Variants in PCYT2 observed in about 807,000 individuals in gnomAD.
PCYT2 encodes ethanolamine-phosphate cytidylyltransferase.
PCYT2 carries 33 observed loss-of-function variants against 50.0 expected under a neutral mutation model. The ratio of observed to expected loss-of-function variants is 0.66; its 90% CI spans 0.50 to 0.88. The LOEUF is 0.88. PCYT2 is among the 40% of genes least tolerant of loss of function. PCYT2 has a pLI of 0.00. For synonymous variants in PCYT2, 240 were observed against 203.7 expected (o/e 1.18, Z -1.52); for missense variants, 430 against 519.7 (o/e 0.83, Z 1.68).
intron 1 of PCYT2, chr17:81,910,903 A>G (rs749343992): frequency 1.8e-4 from 181 of 987,536 alleles, no homozygotes; most frequent in Non-Finnish European, 2.1e-4. Context: ...ATGCCCACCT[A>G]CAGGGACGCT....
At chr17:81,906,224 ACAGGGTGTGCCCCTCCCGGCTGTCCCT>A in intron 8 of PCYT2, 47 bp from the exon 9 acceptor site, 1 of 1,521,598 alleles carries the variant, frequency 6.6e-7, no homozygotes, top group Non-Finnish European at 9.0e-7. Flanking sequence ...TTTTGGGGGG[ACAGGGTGTGCCCCTCCCGGCTGTCCCT>A]CATGGGAAGA....
At chr17:81,906,936 C>T in intron 6 of PCYT2, 38 bp from the exon 7 acceptor site, 1 of 1,601,842 alleles carries the variant, frequency 6.2e-7, no homozygotes, top group Non-Finnish European at 8.5e-7. Flanking sequence ...GCGGGGGAGG[C>T]CTCCCAGGTG....
rs982443328 is a variant in PCYT2 at position 81,903,615 on chromosome 17, T to G, written c.*1218A>C. The G allele has an allele frequency of 1.3e-5, 2 of 152,308 alleles. No homozygotes were observed. The highest frequency in any genetic ancestry group is 2.9e-5 in the Non-Finnish European group (2 of 68,120). The allele number at this position is 152,308 out of a possible 1,614,324, so 9.4% of individuals were successfully genotyped here. A position where few individuals can be genotyped will look rare whatever the true frequency, so the allele number is the denominator to read the frequency against. On this transcript the variant is annotated 3_prime_UTR_variant, in exon 13 of 13. Transcript: ENST00000538936. ...CACCCCACTCCTGAAAGCGGGGGCC[T>G]GGCAGGATGAGGATGGCCTGTGCCC...
At chr17:81,909,147 A>C (rs2040442329) in intron 2 of PCYT2, 110 bp from the exon 3 acceptor site, 8 of 1,516,692 alleles carry the variant, frequency 5.3e-6, no homozygotes, top group Non-Finnish European at 6.2e-6. Context: ...CGGTGGGGGC[A>C]GGCTGTCTCT....
Position 81,909,588 on chromosome 17 carries a change from T to G in PCYT2, c.104A>C (p.His35Pro). 6.2e-7 allele frequency: 1 copy of G among 1,613,540 alleles called. No individual in the cohort carries two copies. Among genetic ancestry groups the G allele is most frequent in the South Asian group, 1.1e-5 (1 of 91,080 alleles). Residue 35 changes from histidine to proline, a missense_variant, in exon 2 of 13, where the codon CAT becomes CCT. This residue lies in a region of PCYT2 where 117 missense variants were observed against 163.9 expected (regional missense o/e 0.71). Coordinates refer to ENST00000538936, the MANE Select transcript of PCYT2 (RefSeq NM_002861.5). ...GCGCAGCTGGTTGGAGTGGCCGTAA[T>G]GCACCATGTCATAGCTGTGGAGACA... ...VWCDGCYDMVHYGHSNQLRQA... is the reference protein window; with the variant it reads ...VWCDGCYDMVPYGHSNQLRQA...
rs770725160 is a variant in PCYT2 at position 81,902,815 on chromosome 17, C to T, written c.*2018G>A. 5 of 1,452,604 alleles carry T rather than the reference C, an allele frequency of 3.4e-6. No individual in the cohort carries two copies. In the African/African-American group the frequency reaches 4.4e-5, roughly 13 times the overall value. 90.0% of individuals were successfully genotyped at this position (1,452,604 alleles called of 1,614,324 possible). ...ACCGTCCCACTCGGTGACCCCAGGC[C>T]CCTCCGGCGCGGGATGGCGCCCCAG... On this transcript the variant is annotated 3_prime_UTR_variant, in exon 13 of 13. Coordinates refer to ENST00000538936, the MANE Select transcript of PCYT2 (RefSeq NM_002861.5).
intron 8 of PCYT2, 130 bp downstream of exon 8, chr17:81,906,334 A>AC (rs1193372415): frequency 3.6e-6 from 4 of 1,122,966 alleles, no homozygotes; most frequent in East Asian, 2.5e-5. Context: ...GCCTACGATC[A>AC]CCCCCCAGGG....
At position 81,906,563 on chromosome 17, in the gene PCYT2, A is replaced by T; in HGVS notation, c.677-17T>A. The stretch of plus-strand genomic sequence containing the variant: ...GCCCGATGTCTGCACCCAGGTTAAG[A>T]AGCAGTCGGGATGGGGATGACAGGG... On this transcript the variant is annotated splice_polypyrimidine_tract_variant and intron_variant, in intron 7 of 12. Transcript: ENST00000538936. The T allele has an allele frequency of 6.2e-7, 1 of 1,612,506 alleles. No homozygotes were observed. The highest frequency in any genetic ancestry group is 8.5e-7 in the Non-Finnish European group (1 of 1,179,194).
chr17:81,905,908 C>T, intron 9 of PCYT2, 173 bp from the exon 10 acceptor site: 1 of 763,664 alleles, frequency 1.3e-6, no homozygotes, highest in South Asian at 1.6e-5. Context: ...GAAGGAACAG[C>T]ATCTGGAGAC....
Position 81,903,673 on chromosome 17 carries a change from G to T in PCYT2, c.*1160C>A, listed in dbSNP as rs966557492. 1.3e-5 allele frequency: 2 copies of T among 152,350 alleles called. No individual in the cohort carries two copies. Among genetic ancestry groups the T allele is most frequent in the Non-Finnish European group, 2.9e-5 (2 of 68,130 alleles). The allele number at this position is 152,350 out of a possible 1,614,324, so 9.4% of individuals were successfully genotyped here. On this transcript the variant is annotated 3_prime_UTR_variant, in exon 13 of 13. Coordinates refer to ENST00000538936, the MANE Select transcript of PCYT2 (RefSeq NM_002861.5). ...CTTGGCCCCTGGCTCGGAGAGCAGG[G>T]TGACAGGCTGCCTTCCTGGGCTGTG... is the stretch of plus-strand genomic sequence containing the variant.
At chr17:81,910,709 A>G (rs1229558810) in intron 1 of PCYT2, among the ~76,000 whole-genome samples, 1 of 152,260 alleles carries the variant, frequency 6.6e-6, no homozygotes, top group East Asian at 1.9e-4. Flanking sequence ...GGCACGTGAA[A>G]GGGTCAGAGG....
At chr17:81,909,904 A>C (rs2040483166) in intron 1 of PCYT2, among the ~76,000 whole-genome samples, 2 of 152,136 alleles carry the variant, frequency 1.3e-5, no homozygotes, top group Admixed American at 1.3e-4. Context: ...AGCCCACTGA[A>C]AGCTGCAGGG....
chr17:81,905,411 G>C lies in PCYT2; in HGVS notation c.940C>G (p.Pro314Ala). The C allele has an allele frequency of 6.4e-7, 1 of 1,564,784 alleles. No homozygotes were observed. Reference protein sequence around the residue: ...LVCHGKTEIIPDRDGSDPYQE... With the variant: ...LVCHGKTEIIADRDGSDPYQE... ...TATGGGTCGGAGCCATCCCTGTCAG[G>C]GATAATTTCTGTCTTGCCGTGACAC... Residue 314 changes from proline to alanine, a missense_variant, in exon 11 of 13, where the codon CCT becomes GCT. Physicochemically the swap from Pro to Ala is conservative, Grantham distance 27. Transcript: ENST00000538936.
At position 81,902,747 on chromosome 17, in the gene PCYT2, G is replaced by C. The variant is rs376467227; in HGVS notation, c.*2086C>G. On this transcript the variant is annotated 3_prime_UTR_variant, in exon 13 of 13. Transcript: ENST00000538936. The stretch of plus-strand genomic sequence containing the variant: ...CGCGCAGCCGACTGCCTCGCCGCCT[G>C]AGCCCGGACCTCTCCTGGCACCGCT... The C allele has an allele frequency of 3.7e-5, 59 of 1,605,468 alleles. No individual in the cohort carries two copies. The highest frequency in any genetic ancestry group is 3.3e-4 in the Middle Eastern group (2 of 6,052).
At position 81,904,929 on chromosome 17, in the gene PCYT2, C is replaced by T. The variant is rs200834115; in HGVS notation, c.1074G>A (p.Ala358=). The part of the protein sequence containing the change: ...RIITNRLEYE[A]RNQKKEAKEL... ...CCTTGGCTTCCTTCTTCTGGTTTCG[C>T]GCCTCATACTCCAACCTGAGAGGGC... Residue 358 remains alanine, a synonymous_variant, in exon 13 of 13, where the codon GCG becomes GCA. Transcript: ENST00000538936. 3.9e-5 allele frequency: 63 copies of T among 1,612,814 alleles called. No individual in the cohort carries two copies. In the African/African-American group the frequency reaches 6.1e-4, roughly 16 times the overall value.
chr17:81,911,286 T>G lies in PCYT2; in HGVS notation c.70A>C (p.Arg24=). 9.0e-7 allele frequency: 1 copy of G among 1,107,182 alleles called. No individual in the cohort carries two copies. Among genetic ancestry groups the G allele is most frequent in the Non-Finnish European group, 1.1e-6 (1 of 903,956 alleles). 68.6% of individuals were successfully genotyped at this position (1,107,182 alleles called of 1,614,324 possible). ...GCTCACCAGCCATCGCACCACACCCTCACGGCGCGCCTGCCCCCCGGGCCC... is the reference window on the plus strand; with the variant it reads ...GCTCACCAGCCATCGCACCACACCCGCACGGCGCGCCTGCCCCCCGGGCCC... ...QPGPGGRRAV[R]VWCDGCYDMV... The change falls in exon 1 of 13, where the codon AGG becomes CGG. Residue 24 remains arginine, a synonymous_variant. Transcript: ENST00000538936.
In PCYT2 at chr17:81,911,348, C is replaced by G; in HGVS notation, c.8G>C (p.Arg3Pro). The stretch of plus-strand genomic sequence containing the variant: ...GCCGCCTGCAGCCCCGCGCCCGTTC[C>G]GGATCATGGCCCCGCAGCGGCGGCG... MI[R>P]NGRGAAGGAE... is the part of the protein sequence containing the mutation. Residue 3 changes from arginine to proline, a missense_variant, in exon 1 of 13, where the codon CGG becomes CCG. Transcript: ENST00000538936. 8 of 1,078,182 alleles carry G rather than the reference C, an allele frequency of 7.4e-6. No homozygotes were observed. The highest frequency in any genetic ancestry group is 9.0e-6 in the Non-Finnish European group (8 of 886,132). The allele number at this position is 1,078,182 out of a possible 1,614,324, so 66.8% of individuals were successfully genotyped here. A position where few individuals can be genotyped will look rare whatever the true frequency, so the allele number is the denominator to read the frequency against.
rs1298898189 is a variant in PCYT2 at position 81,908,977 on chromosome 17, A to G, written c.239T>C (p.Val80Ala). The change falls in exon 3 of 13, where the codon GTG (valine) becomes GCG (alanine). Residue 80 changes from valine to alanine, a missense_variant. Coordinates refer to ENST00000538936, the MANE Select transcript of PCYT2 (RefSeq NM_002861.5). ...VFTQEERYKM[V>A]QAIKWVDEVV... ...CTCGTCCACCCATTTGATGGCCTGC[A>G]CCATCTTGTATCTCTCCTCCTGAGT... The G allele has an allele frequency of 6.2e-7, 1 of 1,613,984 alleles. No individual in the cohort carries two copies. Among genetic ancestry groups the G allele is most frequent in the East Asian group, 2.2e-5 (1 of 44,882 alleles).
rs1406912113 is a variant in PCYT2, at chr17:81,902,772, T to C, written c.*2061A>G. ...GAGCCCGGACCTCTCCTGGCACCGC[T>C]GGGGGCCCCCCGCCCCCACCGTCCC... On this transcript the variant is annotated 3_prime_UTR_variant, in exon 13 of 13. Coordinates refer to ENST00000538936, the MANE Select transcript of PCYT2 (RefSeq NM_002861.5). 3 of 1,586,038 alleles carry C rather than the reference T, an allele frequency of 1.9e-6. No homozygotes were observed. Among genetic ancestry groups the C allele is most frequent in the Admixed American group, 3.5e-5 (2 of 56,842 alleles).
Sources: allele counts gnomAD v4.1 joint callset (sites outside exome capture counted in the v4.1 genomes callset), GRCh38; gene constraint gnomAD v4.1.1; regional missense constraint gnomAD v4.1.1; transcripts MANE v1.5; gene names NCBI Gene and HGNC (gene_info 2026-07-23, HGNC 2026-07-21).